LOXHD1: variants seen among roughly 807,000 people sequenced by gnomAD.
The protein encoded by LOXHD1 is lipoxygenase homology PLAT domains 1, also known as lipoxygenase homology domain-containing protein 1.
A neutral mutation model predicts 248.2 loss-of-function variants in LOXHD1; 205 were observed. That is an observed-to-expected ratio of 0.83 (90% CI 0.74 to 0.93). The LOEUF is 0.93. LOXHD1 is among the 40% of genes least tolerant of loss of function. LOXHD1 has a pLI of 0.00. For missense variants in LOXHD1, 2,930 were observed against 2,971.6 expected (o/e 0.99, Z 0.33); for synonymous variants, 1,113 against 1,162.8 (o/e 0.96, Z 0.87).
At chr18:46,617,429 T>C (rs962907307) in intron 5 of LOXHD1, among the ~76,000 whole-genome samples, 9 of 152,196 alleles carry the variant, frequency 5.9e-5, no homozygotes, top group African/African-American at 9.6e-5. Flanking sequence ...ATCCCCTAGA[T>C]TGTTGAGCAT....
At chr18:46,513,200 T>C (rs2035066630) in intron 34 of LOXHD1, among the ~76,000 whole-genome samples, 1 of 152,260 alleles carries the variant, frequency 6.6e-6, no homozygotes, top group Non-Finnish European at 1.5e-5. Flanking sequence ...TACATATATA[T>C]GTATGTTCAT....
intron 2 of LOXHD1, among the ~76,000 whole-genome samples, chr18:46,643,134 G>A (rs1012420791): frequency 6.6e-6 from 1 of 152,202 alleles, no homozygotes; most frequent in African/African-American, 2.4e-5. Flanking sequence ...GACTCATGGT[G>A]TCAAACAATC....
Position 46,601,909 on chromosome 18 carries a change from G to A in LOXHD1, c.884-442C>T, listed in dbSNP as rs12961815. On this transcript the variant is annotated intron_variant, in intron 7 of 40. Transcript: ENST00000642948. The stretch of plus-strand genomic sequence containing the variant: ...CGTTCAGGGCTATCTGATTCATTTC[G>A]CTTGCTCTTTTGCTGATAACTTAAA... Among the ~76,000 whole-genome samples the A allele has an allele frequency of 3.5e-3, 530 of 152,228 alleles. 3 individuals are homozygous for A. Among genetic ancestry groups the A allele is most frequent in the Middle Eastern group, 0.017 (5 of 294 alleles).
At chr18:46,650,015 T>G (rs944805435) in intron 1 of LOXHD1, among the ~76,000 whole-genome samples, 1 of 152,074 alleles carries the variant, frequency 6.6e-6, no homozygotes, top group Non-Finnish European at 1.5e-5. Context: ...AGGCATGTGC[T>G]CTATACCCAT....
intron 1 of LOXHD1, among the ~76,000 whole-genome samples, chr18:46,649,843 T>C (rs184559495): frequency 6.6e-4 from 100 of 152,230 alleles, no homozygotes; most frequent in Non-Finnish European, 1.1e-3. Context: ...ACACCTTTCT[T>C]ATTCAGGGCA....
At chr18:46,515,245 G>C (rs960401128) in intron 34 of LOXHD1, among the ~76,000 whole-genome samples, 1 of 152,274 alleles carries the variant, frequency 6.6e-6, no homozygotes, top group African/African-American at 2.4e-5. Context: ...GTATCACCTT[G>C]CACAATAGCA....
chr18:46,608,842 GAACTTTCAGACT>G (rs1423804630), intron 6 of LOXHD1, among the ~76,000 whole-genome samples: 1 of 152,174 alleles, frequency 6.6e-6, no homozygotes, highest in Non-Finnish European at 1.5e-5. Flanking sequence ...TGCCCTCAAG[GAACTTTCAGACT>G]AATTATGAAA....
In LOXHD1 at chr18:46,639,731, C is replaced by T; in HGVS notation, c.396G>A (p.Lys132=). The change falls in exon 4 of 41, where the codon AAG becomes AAA. Residue 132 remains lysine (K), a synonymous_variant. Transcript: ENST00000642948. ...YLDHVIVTDM[K]RPHLRYYFNC... The stretch of plus-strand genomic sequence containing the variant: ...TGAAGTAGTAACGGAGATGAGGCCT[C>T]TTCATGTCGGTCACAATCACATGGT... 2 of 1,551,726 alleles carry T rather than the reference C, an allele frequency of 1.3e-6. No individual in the cohort carries two copies. Among genetic ancestry groups the T allele is most frequent in the Non-Finnish European group, 8.7e-7 (1 of 1,147,018 alleles).
At chr18:46,617,239 C>T (rs767435032) in intron 5 of LOXHD1, among the ~76,000 whole-genome samples, 2 of 152,094 alleles carry the variant, frequency 1.3e-5, no homozygotes, top group Non-Finnish European at 1.5e-5. Context: ...AAATTTAGAG[C>T]TCTTGCCAAG....
chr18:46,570,103 T>A (rs991065860), intron 15 of LOXHD1, among the ~76,000 whole-genome samples: 1 of 152,198 alleles, frequency 6.6e-6, no homozygotes, highest in Non-Finnish European at 1.5e-5. Flanking sequence ...AGGCAAGGAA[T>A]CTGAGCCTCA....
intron 37 of LOXHD1, among the ~76,000 whole-genome samples, chr18:46,491,195 A>G (rs2033448244): frequency 6.6e-6 from 1 of 152,250 alleles, no homozygotes; most frequent in African/African-American, 2.4e-5. Context: ...ACACACAAAC[A>G]GATTCTACTA....
At chr18:46,531,797 T>C (rs1197106718) in intron 28 of LOXHD1, among the ~76,000 whole-genome samples, 3 of 152,204 alleles carry the variant, frequency 2.0e-5, no homozygotes, top group Non-Finnish European at 2.9e-5. Flanking sequence ...ACAGCCCAAG[T>C]GCTCTCCTGG....
intron 14 of LOXHD1, among the ~76,000 whole-genome samples, chr18:46,575,924 T>C (rs1013130190): frequency 5.9e-5 from 9 of 152,104 alleles, no homozygotes; most frequent in African/African-American, 1.7e-4. Context: ...GACAGTGGCC[T>C]CCATCTACCT....
At chr18:46,496,819 A>G (rs2033900863) in intron 37 of LOXHD1, among the ~76,000 whole-genome samples, 1 of 152,112 alleles carries the variant, frequency 6.6e-6, no homozygotes, top group Non-Finnish European at 1.5e-5. Context: ...CCTGGCAAAA[A>G]TGATGAAACC....
At position 46,656,891 on chromosome 18, in the gene LOXHD1, T is replaced by G; in HGVS notation, c.130+13A>C. On this transcript the variant is annotated intron_variant, in intron 1 of 40. Coordinates refer to ENST00000642948, the MANE Select transcript of LOXHD1 (RefSeq NM_001384474.1). ...GCTGCACCACCCGCCCCCCGCAGGC[T>G]GGGACCCCGCACCTCTGGCCTTGTA... The G allele has an allele frequency of 6.4e-7, 1 of 1,551,098 alleles. No individual in the cohort carries two copies. The highest frequency in any genetic ancestry group is 8.7e-7 in the Non-Finnish European group (1 of 1,146,552).
chr18:46,498,834 G>A (rs2034038174), intron 37 of LOXHD1, among the ~76,000 whole-genome samples: 1 of 152,124 alleles, frequency 6.6e-6, no homozygotes. Context: ...AGAATTTGGT[G>A]GGTGGGGAAC....
intron 14 of LOXHD1, among the ~76,000 whole-genome samples, chr18:46,574,540 T>G (rs1406652954): frequency 3.3e-5 from 5 of 151,794 alleles, no homozygotes; most frequent in Admixed American, 3.3e-4. Flanking sequence ...GTTCCTGATT[T>G]TTCCAAGTCC....
intron 5 of LOXHD1, among the ~76,000 whole-genome samples, chr18:46,611,519 G>T (rs1202476651): frequency 6.6e-6 from 1 of 152,134 alleles, no homozygotes; most frequent in African/African-American, 2.4e-5. Context: ...ACTTAGTTAG[G>T]ACTCAAATTT....
chr18:46,547,870 T>C lies in LOXHD1; in HGVS notation c.3351-812A>G, dbSNP rs138858556. On this transcript the variant is annotated intron_variant, in intron 21 of 40. Coordinates refer to ENST00000642948, the MANE Select transcript of LOXHD1 (RefSeq NM_001384474.1). ...GTTTTAAGTGTGTCCTATCTAATATTTGAGTCATGCTTATACAAAAACATT... is the reference window on the plus strand; with the variant it reads ...GTTTTAAGTGTGTCCTATCTAATATCTGAGTCATGCTTATACAAAAACATT... Among the ~76,000 whole-genome samples the C allele has an allele frequency of 1.5e-3, 224 of 152,344 alleles. 2 individuals carry two copies. The highest frequency in any genetic ancestry group is 4.7e-3 in the African/African-American group (196 of 41,580).
Sources: allele counts gnomAD v4.1 joint callset (sites outside exome capture counted in the v4.1 genomes callset), GRCh38; gene constraint gnomAD v4.1.1; transcripts MANE v1.5; gene names NCBI Gene and HGNC (gene_info 2026-07-23, HGNC 2026-07-21).